The following MYO1E variants were observed in gnomAD, a reference collection of about 807,000 sequenced individuals.
MYO1E encodes myosin IE.
A neutral mutation model predicts 151.1 loss-of-function variants in MYO1E; 68 were observed. That is an observed-to-expected ratio of 0.45 (90% CI 0.37 to 0.55). The LOEUF (loss-of-function observed/expected upper bound fraction) is 0.55. MYO1E is among the 20% of genes least tolerant of loss of function. The probability of loss-of-function intolerance (pLI) is 0.00; values close to 1 mark genes in which losing one functional copy is unlikely to be tolerated. For missense variants in MYO1E, 1,363 were observed against 1,389.3 expected, an observed-to-expected ratio of 0.98 and a Z score of 0.30; for synonymous variants, 601 against 501.7, an observed-to-expected ratio of 1.20 and a Z score of -2.64.
At chr15:59,138,173 C>T in intron 27 of MYO1E, 25 bp downstream of exon 27, 1 of 1,612,456 alleles carries the variant, frequency 6.2e-7, no homozygotes, top group South Asian at 1.1e-5. Context: ...GGGAGGCTGT[C>T]CCAGCCAACC....
chr15:59,225,895 C>G (rs1292784773), intron 7 of MYO1E, among the ~76,000 whole-genome samples: 1 of 152,154 alleles, frequency 6.6e-6, no homozygotes, highest in Non-Finnish European at 1.5e-5. Context: ...ATTCACCCAC[C>G]TTGGCATCCC....
At chr15:59,235,427 TACAA>T (rs113583355) in intron 5 of MYO1E, among the ~76,000 whole-genome samples, 6,462 of 152,266 alleles carry the variant, frequency 0.042, 426 homozygotes, top group African/African-American at 0.15. Context: ...CAGCATATAT[TACAA>T]ACAATGTTCT....
intron 22 of MYO1E, among the ~76,000 whole-genome samples, chr15:59,169,148 G>C (rs2079577772): frequency 6.6e-6 from 1 of 152,216 alleles, no homozygotes; most frequent in South Asian, 2.1e-4. Flanking sequence ...GTAAGAGCTA[G>C]AGATGGGCTA....
chr15:59,160,209 C>A (rs951431992), intron 24 of MYO1E, among the ~76,000 whole-genome samples: 1 of 151,964 alleles, frequency 6.6e-6, no homozygotes, highest in African/African-American at 2.4e-5. Flanking sequence ...AACAATATCA[C>A]AGTATATGCA....
chr15:59,208,697 T>C lies in MYO1E; in HGVS notation c.1514A>G (p.His505Arg). 6.2e-7 allele frequency: 1 copy of C among 1,614,222 alleles called. No homozygotes were observed. The highest frequency in any genetic ancestry group is 8.5e-7 in the Non-Finnish European group (1 of 1,180,040). Reference sequence around the variant, plus strand: ...TGGCCATACCTTCCCAGCATAATGATGAATGATGAAGCCTTGGTTCCAACT... The same window carrying C: ...TGGCCATACCTTCCCAGCATAATGACGAATGATGAAGCCTTGGTTCCAACT... ...FNSWNQGFII[H>R]HYAGKVSYDM... The change falls in exon 14 of 28, where the codon CAT becomes CGT. Residue 505 changes from histidine (H) to arginine (R), a missense_variant. Physicochemically the swap from His to Arg is conservative, Grantham distance 29. Transcript: ENST00000288235.
intron 4 of MYO1E, among the ~76,000 whole-genome samples, chr15:59,254,736 T>C (rs996478086): frequency 6.6e-6 from 1 of 151,996 alleles, no homozygotes; most frequent in African/African-American, 2.4e-5. Context: ...CACAAATACG[T>C]ATGATAAGAT....
chr15:59,164,565 T>A (rs1188159488), intron 22 of MYO1E, among the ~76,000 whole-genome samples: 3 of 152,158 alleles, frequency 2.0e-5, no homozygotes, highest in African/African-American at 7.2e-5. Context: ...GGCAAGGGGA[T>A]CACAAGAGGA....
chr15:59,150,633 G>A (rs1238964300), intron 26 of MYO1E, among the ~76,000 whole-genome samples: 5 of 152,144 alleles, frequency 3.3e-5, no homozygotes, highest in African/African-American at 1.2e-4. Context: ...CACCTGAAAG[G>A]TGTAGGTCTG....
At chr15:59,352,058 G>C (rs1167865188) in intron 1 of MYO1E, among the ~76,000 whole-genome samples, 1 of 152,174 alleles carries the variant, frequency 6.6e-6, no homozygotes, top group Non-Finnish European at 1.5e-5. Flanking sequence ...AGTATAGCAT[G>C]GACAGCAGCC....
intron 7 of MYO1E, among the ~76,000 whole-genome samples, chr15:59,226,533 G>A (rs1197085549): frequency 1.3e-5 from 2 of 152,224 alleles, no homozygotes; most frequent in African/African-American, 4.8e-5. Flanking sequence ...AGGGCCAGGT[G>A]CAATGGCTCA....
intron 1 of MYO1E, among the ~76,000 whole-genome samples, chr15:59,311,666 G>A (rs1285611610): frequency 1.3e-5 from 2 of 152,178 alleles, no homozygotes; most frequent in Non-Finnish European, 2.9e-5. Flanking sequence ...TATAGGCAAC[G>A]TTATGATTTA....
chr15:59,142,920 CAAAAAAAAA>C (rs10717979), intron 26 of MYO1E, among the ~76,000 whole-genome samples: 7 of 87,234 alleles, frequency 8.0e-5, no homozygotes, highest in Admixed American at 1.3e-4. Flanking sequence ...TAATTAGGTG[CAAAAAAAAA>C]AAAAAAAAAA....
chr15:59,174,696 G>C lies in MYO1E; in HGVS notation c.2050-456C>G, dbSNP rs567066680. On this transcript the variant is annotated intron_variant, in intron 19 of 27. Coordinates refer to ENST00000288235, the MANE Select transcript of MYO1E (RefSeq NM_004998.4). Reference sequence around the variant, plus strand: ...TCCAGTTTCTGCAGGAGCTGGGCTTGTGCTGCTGTGGAAGGAGGGCTGCCC... The same window carrying C: ...TCCAGTTTCTGCAGGAGCTGGGCTTCTGCTGCTGTGGAAGGAGGGCTGCCC... Among the ~76,000 whole-genome samples, 23 of 152,262 alleles carry C rather than the reference G, an allele frequency of 1.5e-4. No individual in the cohort carries two copies. In the South Asian group the frequency reaches 4.6e-3, roughly 30 times the overall value.
chr15:59,203,396 T>TG, intron 15 of MYO1E, among the ~76,000 whole-genome samples: 1 of 151,768 alleles, frequency 6.6e-6, no homozygotes, highest in South Asian at 2.1e-4. Flanking sequence ...TTTTTTTTTT[T>TG]TTGAGATGGA....
Position 59,365,091 on chromosome 15 carries a change from C to T in MYO1E, c.3+7407G>A, listed in dbSNP as rs139861936. 7.2e-3 allele frequency among the ~76,000 whole-genome samples: 1,053 copies of T among 146,650 alleles called. 16 individuals are homozygous for T. The highest frequency in any genetic ancestry group is 0.025 in the African/African-American group (989 of 39,622). ...CTGTAGTGCAATGGTGTGATCTCGGCTCACTGCAACCTCGGCCTCCCAGGT... is the reference window on the plus strand; with the variant it reads ...CTGTAGTGCAATGGTGTGATCTCGGTTCACTGCAACCTCGGCCTCCCAGGT... On this transcript the variant is annotated intron_variant, in intron 1 of 27. Transcript: ENST00000288235.
intron 15 of MYO1E, among the ~76,000 whole-genome samples, chr15:59,203,711 T>C (rs1478310456): frequency 6.6e-6 from 1 of 152,210 alleles, no homozygotes; most frequent in Non-Finnish European, 1.5e-5. Flanking sequence ...TTGAGCTGCA[T>C]GTGTTTATAC....
chr15:59,210,772 T>C (rs1353216765), intron 12 of MYO1E, among the ~76,000 whole-genome samples, 172 bp from the exon 13 acceptor site: 1 of 152,216 alleles, frequency 6.6e-6, no homozygotes, highest in Non-Finnish European at 1.5e-5. Flanking sequence ...AGGAACATTT[T>C]ATGACTTGGT....
intron 5 of MYO1E, among the ~76,000 whole-genome samples, chr15:59,234,116 T>C (rs1232295445): frequency 6.6e-6 from 1 of 152,148 alleles, no homozygotes; most frequent in African/African-American, 2.4e-5. Context: ...GAGGCCACTT[T>C]AAGGACCCTT....
At chr15:59,293,133 A>G (rs1269399616) in intron 1 of MYO1E, among the ~76,000 whole-genome samples, 2 of 152,180 alleles carry the variant, frequency 1.3e-5, no homozygotes, top group African/African-American at 4.8e-5. Flanking sequence ...CACCCTTTTT[A>G]TTCTGCTAGG....
Sources: allele counts gnomAD v4.1 joint callset (sites outside exome capture counted in the v4.1 genomes callset), GRCh38; gene constraint gnomAD v4.1.1; transcripts MANE v1.5; gene names NCBI Gene and HGNC (gene_info 2026-07-23, HGNC 2026-07-21).